HTR1E: variants seen among roughly 807,000 people sequenced by gnomAD.
The protein encoded by HTR1E is 5-HT-1E.
Under a neutral mutation model 3.4 loss-of-function variants are expected in HTR1E, and 3 were observed. The observed-to-expected ratio is 0.89, with a 90% CI of 0.41 to 2.31. The LOEUF (loss-of-function observed/expected upper bound fraction) is 2.31, where lower values mean the gene tolerates loss of function less well. HTR1E is among the 30% of genes most tolerant of loss of function. HTR1E has a pLI of 0.05. For synonymous variants in HTR1E, 170 were observed against 182.8 expected (o/e 0.93, Z 0.56); for missense variants, 392 against 467.0 (o/e 0.84, Z 1.48).
At chr6:87,002,249 T>C (rs1270013939) in intron 1 of HTR1E, among the ~76,000 whole-genome samples, 1 of 152,060 alleles carries the variant, frequency 6.6e-6, no homozygotes, top group African/African-American at 2.4e-5. Context: ...GTGTCTGGAG[T>C]TTCTTACTTC....
At chr6:86,985,222 C>T (rs959000923) in intron 1 of HTR1E, among the ~76,000 whole-genome samples, 2 of 151,676 alleles carry the variant, frequency 1.3e-5, no homozygotes, top group Non-Finnish European at 2.9e-5. Flanking sequence ...TACCTCAAAG[C>T]AAATCAAGTA....
At chr6:87,009,905 C>T (rs1179499209) in intron 1 of HTR1E, among the ~76,000 whole-genome samples, 2 of 122,222 alleles carry the variant, frequency 1.6e-5, no homozygotes, top group African/African-American at 3.5e-5. Flanking sequence ...ACCTCCCTCC[C>T]GGACGGGGCG....
At chr6:86,963,230 C>T (rs1302308659) in intron 1 of HTR1E, among the ~76,000 whole-genome samples, 1 of 151,924 alleles carries the variant, frequency 6.6e-6, no homozygotes, top group African/African-American at 2.4e-5. Flanking sequence ...AAAAAATTTA[C>T]ATAGGAAAAA....
At chr6:86,994,638 C>T (rs1767911792) in intron 1 of HTR1E, among the ~76,000 whole-genome samples, 1 of 151,680 alleles carries the variant, frequency 6.6e-6, no homozygotes, top group South Asian at 2.1e-4. Context: ...GTTCTCTAGA[C>T]AGAAATGATA....
chr6:87,011,191 A>C (rs905414581), intron 1 of HTR1E, among the ~76,000 whole-genome samples: 10 of 152,158 alleles, frequency 6.6e-5, no homozygotes, highest in Non-Finnish European at 1.3e-4. Flanking sequence ...GCTAGGAGAG[A>C]GGGTGGCTAA....
Position 87,015,819 on chromosome 6 carries a change from G to A in HTR1E, c.485G>A (p.Ser162Asn), listed in dbSNP as rs369384056. 2 of 1,613,602 alleles carry A rather than the reference G, an allele frequency of 1.2e-6. No individual in the cohort carries two copies. The highest frequency in any genetic ancestry group is 1.7e-6 in the Non-Finnish European group (2 of 1,179,732). ...TCCATGCCCCCTCTGTTCTGGAGAA[G>A]CCACCGCCGCCTAAGCCCTCCCCCT... ...FISMPPLFWR[S>N]HRRLSPPPSQ... The change falls in exon 2 of 2, where the codon AGC (serine) becomes AAC (asparagine). Residue 162 changes from serine to asparagine, a missense_variant. Ser to Asn is a conservative substitution (Grantham distance 46). This residue lies in a region of HTR1E where 189 missense variants were observed against 258.0 expected (regional missense o/e 0.73). Coordinates refer to ENST00000305344, the MANE Select transcript of HTR1E (RefSeq NM_000865.3).
intron 1 of HTR1E, among the ~76,000 whole-genome samples, chr6:86,982,182 C>T (rs2127825711): frequency 6.6e-6 from 1 of 152,304 alleles, no homozygotes; most frequent in African/African-American, 2.4e-5. Context: ...AAATTATAGA[C>T]CATATTTTCC....
intron 1 of HTR1E, among the ~76,000 whole-genome samples, chr6:87,013,681 T>C (rs922100295): frequency 6.6e-6 from 1 of 152,054 alleles, no homozygotes; most frequent in African/African-American, 2.4e-5. Context: ...AAAAAGCCTT[T>C]TTATATATAA....
At position 87,016,035 on chromosome 6, in the gene HTR1E, C is replaced by A. The variant is rs1768319403; in HGVS notation, c.701C>A (p.Ala234Glu). ...AGCACAGATAGCCAGAATTCTTTTG[C>A]AAGTTGTAAACTTACACAGACTTTC... is the stretch of plus-strand genomic sequence containing the variant. ...NRSTDSQNSF[A>E]SCKLTQTFCV... Residue 234 changes from alanine (A) to glutamate (E), a missense_variant, in exon 2 of 2, where the codon GCA becomes GAA. Physicochemically the swap from Ala to Glu is moderately radical, Grantham distance 107 (BLOSUM62 -1). Around this residue, in one of 3 missense-constraint regions of HTR1E, gnomAD observed 178 missense variants for 164.9 expected, o/e 1.08. Coordinates refer to ENST00000305344, the MANE Select transcript of HTR1E (RefSeq NM_000865.3). 1 of 1,614,086 alleles carries A rather than the reference C, an allele frequency of 6.2e-7. No homozygotes were observed. Among genetic ancestry groups the A allele is most frequent in the African/African-American group, 1.3e-5 (1 of 74,928 alleles).
At position 86,994,403 on chromosome 6, in the gene HTR1E, T is replaced by C. The variant is rs536434427; in HGVS notation, c.-185-20747T>C. ...TGAAAGAGAAATGACACCATACCTA[T>C]CAGGAGAAAAAAAAATTGAATGACA... On this transcript the variant is annotated intron_variant, in intron 1 of 1. Coordinates refer to ENST00000305344, the MANE Select transcript of HTR1E (RefSeq NM_000865.3). Among the ~76,000 whole-genome samples, 6 of 151,768 alleles carry C rather than the reference T, an allele frequency of 4.0e-5. No individual in the cohort carries two copies. The South Asian group carries it at 1.0e-3, about 26-fold the overall frequency.
intron 1 of HTR1E, among the ~76,000 whole-genome samples, chr6:87,011,249 T>A (rs956802660): frequency 2.0e-5 from 3 of 152,172 alleles, no homozygotes; most frequent in African/African-American, 7.2e-5. Context: ...AGAGGCCATG[T>A]GCAAAACAGA....
At chr6:87,006,234 T>C (rs1374770733) in intron 1 of HTR1E, among the ~76,000 whole-genome samples, 2 of 152,150 alleles carry the variant, frequency 1.3e-5, no homozygotes, top group Non-Finnish European at 2.9e-5. Context: ...GCTAAGTATA[T>C]ACTCAAAGGA....
At chr6:87,009,951 G>C (rs1329636678) in intron 1 of HTR1E, among the ~76,000 whole-genome samples, 4 of 128,046 alleles carry the variant, frequency 3.1e-5, no homozygotes, top group African/African-American at 6.3e-5. Context: ...CTTCCCAGTA[G>C]GGGCGGCCGG....
At chr6:87,004,725 G>T (rs1034028970) in intron 1 of HTR1E, among the ~76,000 whole-genome samples, 1 of 152,046 alleles carries the variant, frequency 6.6e-6, no homozygotes, top group Admixed American at 6.6e-5. Context: ...TTAACATAGT[G>T]CTGGAAGTCC....
intron 1 of HTR1E, among the ~76,000 whole-genome samples, chr6:86,960,145 G>C (rs1767384356): frequency 1.3e-5 from 2 of 152,176 alleles, no homozygotes; most frequent in South Asian, 4.1e-4. Flanking sequence ...GAATAGAAAT[G>C]TATGTCCCAC....
intron 1 of HTR1E, among the ~76,000 whole-genome samples, chr6:86,951,875 T>C (rs1416134711): frequency 2.6e-5 from 4 of 152,136 alleles, no homozygotes; most frequent in South Asian, 2.1e-4. Context: ...AGATTGACAA[T>C]TGGCAACAGT....
chr6:86,939,357 T>C (rs1260605824), intron 1 of HTR1E, among the ~76,000 whole-genome samples: 2 of 152,182 alleles, frequency 1.3e-5, no homozygotes, highest in Non-Finnish European at 2.9e-5. Context: ...ACTAACTATT[T>C]TGCTGCATAG....
intron 1 of HTR1E, among the ~76,000 whole-genome samples, chr6:86,984,270 T>C (rs1206666391): frequency 6.6e-6 from 1 of 152,236 alleles, no homozygotes; most frequent in Non-Finnish European, 1.5e-5. Context: ...TAAAATATAA[T>C]ACTGTCTTCT....
At chr6:86,944,529 G>A (rs368801010) in intron 1 of HTR1E, among the ~76,000 whole-genome samples, 4 of 152,296 alleles carry the variant, frequency 2.6e-5, no homozygotes, top group African/African-American at 9.6e-5. Context: ...TGAGAATCCA[G>A]TTCCACTTTA....
Sources: allele counts gnomAD v4.1 joint callset (sites outside exome capture counted in the v4.1 genomes callset), GRCh38; gene constraint gnomAD v4.1.1; regional missense constraint gnomAD v4.1.1; transcripts MANE v1.5; gene names NCBI Gene and HGNC (gene_info 2026-07-23, HGNC 2026-07-21).